POMT2: variants seen among roughly 807,000 people sequenced by gnomAD.
POMT2 encodes the protein protein O-mannosyltransferase 2.
Under a neutral mutation model 100.0 loss-of-function variants are expected in POMT2, and 75 were observed. That is an observed-to-expected ratio of 0.75 (90% CI 0.62 to 0.91). The LOEUF is 0.91. Among genes scored for constraint, POMT2 ranks in the 40% least tolerant of loss-of-function variants. The probability of loss-of-function intolerance (pLI) is 0.00; values close to 1 mark genes in which losing one functional copy is unlikely to be tolerated. For missense variants in POMT2, 940 were observed against 955.1 expected (o/e 0.98, Z 0.21); for synonymous variants, 378 against 374.1 (o/e 1.01, Z -0.12).
rs1889944281 is a variant in POMT2 at position 77,276,222 on chromosome 14, A to AGCT, written c.*1151_*1153dup. ...GGGGCAGCTCTGAGCTTCTTGTTTGAGCTGCAGAGTGGTAGACGCAGGAAG... is the reference window on the plus strand; with the variant it reads ...GGGGCAGCTCTGAGCTTCTTGTTTGAGCTGCTGCAGAGTGGTAGACGCAGGAAG... On this transcript the variant is annotated 3_prime_UTR_variant, in exon 21 of 21. Transcript: ENST00000261534. The AGCT allele has an allele frequency of 6.6e-6, 1 of 152,546 alleles. No homozygotes were observed. Among genetic ancestry groups the AGCT allele is most frequent in the Admixed American group, 6.5e-5 (1 of 15,272 alleles). 9.4% of individuals were successfully genotyped at this position (152,546 alleles called of 1,614,324 possible).
At chr14:77,280,310 A>ACCC in intron 16 of POMT2, 82 bp downstream of exon 16, 1 of 1,599,182 alleles carries the variant, frequency 6.3e-7, no homozygotes, top group Non-Finnish European at 8.5e-7. Flanking sequence ...CCGCCCTAGT[A>ACCC]CACCCACCCC....
Position 77,311,964 on chromosome 14 carries a change from G to A in POMT2, c.318C>T (p.His106=), listed in dbSNP as rs2139518201. The change falls in exon 2 of 21, where the codon CAC becomes CAT. Residue 106 remains histidine (H), a synonymous_variant. Transcript: ENST00000261534. ...CACTGCTCACCTTTCCCAGGGGCGG[G>A]TGCACATCAAAGAAAAATGTACGGT... ...YINRTFFFDV[H]PPLGKMLIGL... is the part of the protein sequence containing the mutation. The A allele has an allele frequency of 2.5e-6, 4 of 1,614,022 alleles. No individual in the cohort carries two copies. Among genetic ancestry groups the A allele is most frequent in the East Asian group, 2.2e-5 (1 of 44,870 alleles).
chr14:77,312,137 A>C, intron 1 of POMT2, 104 bp from the exon 2 acceptor site: 2 of 1,491,374 alleles, frequency 1.3e-6, no homozygotes, highest in East Asian at 4.9e-5. Flanking sequence ...ATTTCAAACA[A>C]TTAATGCAAA....
At chr14:77,278,544 C>T (rs1323140234) in intron 19 of POMT2, 36 bp from the exon 20 acceptor site, 4 of 1,444,152 alleles carry the variant, frequency 2.8e-6, no homozygotes, top group Non-Finnish European at 1.9e-6. Flanking sequence ...GTCAGCCAGG[C>T]AGGGGGTGAC....
intron 15 of POMT2, 95 bp downstream of exon 15, chr14:77,283,702 G>A: frequency 1.9e-6 from 2 of 1,077,790 alleles, no homozygotes; most frequent in Non-Finnish European, 2.9e-6. Context: ...TCCACAAGGG[G>A]GAATGGATCT....
chr14:77,295,239 C>T (rs1379284618), intron 9 of POMT2, among the ~76,000 whole-genome samples: 1 of 152,252 alleles, frequency 6.6e-6, no homozygotes, highest in Admixed American at 6.5e-5. Context: ...ATGATACTCA[C>T]ATGGCTAATC....
chr14:77,317,839 G>A (rs1891685637), intron 1 of POMT2, among the ~76,000 whole-genome samples: 1 of 152,190 alleles, frequency 6.6e-6, no homozygotes, highest in Non-Finnish European at 1.5e-5. Flanking sequence ...ATGTAATTCA[G>A]ACTTAATTCT....
intron 2 of POMT2, among the ~76,000 whole-genome samples, chr14:77,309,795 G>A (rs1891373966): frequency 6.6e-6 from 1 of 152,164 alleles, no homozygotes. Flanking sequence ...CTGTTCTCCT[G>A]TCTCAGCCTC....
intron 8 of POMT2, among the ~76,000 whole-genome samples, chr14:77,297,040 A>T (rs1420200390): frequency 6.6e-6 from 1 of 152,270 alleles, no homozygotes; most frequent in Non-Finnish European, 1.5e-5. Context: ...ACAATGTGTG[A>T]CATGGTGGGA....
chr14:77,292,492 A>G (rs140851976), intron 9 of POMT2, among the ~76,000 whole-genome samples: 2 of 152,334 alleles, frequency 1.3e-5, no homozygotes, highest in African/African-American at 4.8e-5. Flanking sequence ...CGTTGGGGAG[A>G]CAGAATTCAA....
chr14:77,308,455 G>A (rs1054298564), intron 2 of POMT2, among the ~76,000 whole-genome samples: 3 of 147,622 alleles, frequency 2.0e-5, no homozygotes, highest in East Asian at 2.1e-4. Flanking sequence ...TCCTGGGTTC[G>A]TGTGATTCTC....
intron 1 of POMT2, among the ~76,000 whole-genome samples, chr14:77,316,188 G>A (rs1891619093): frequency 6.6e-6 from 1 of 152,146 alleles, no homozygotes; most frequent in Admixed American, 6.5e-5. Context: ...GACCCATAAA[G>A]GCCTCAGGAC....
intron 9 of POMT2, among the ~76,000 whole-genome samples, chr14:77,294,552 GA>G (rs2140213500): frequency 6.6e-6 from 1 of 152,308 alleles, no homozygotes; most frequent in South Asian, 2.1e-4. Flanking sequence ...TCAAACTCCT[GA>G]CCTAAAGTGA....
At chr14:77,297,232 A>G (rs1890865550) in intron 8 of POMT2, among the ~76,000 whole-genome samples, 1 of 152,168 alleles carries the variant, frequency 6.6e-6, no homozygotes, top group East Asian at 1.9e-4. Flanking sequence ...ATGGCTGACC[A>G]CCTTTATTTC....
At chr14:77,316,084 C>T (rs1165110865) in intron 1 of POMT2, among the ~76,000 whole-genome samples, 1 of 152,156 alleles carries the variant, frequency 6.6e-6, no homozygotes, top group African/African-American at 2.4e-5. Context: ...AATCACAGTG[C>T]CACCTGCTGG....
chr14:77,311,546 G>A (rs1287746797), intron 2 of POMT2, among the ~76,000 whole-genome samples: 1 of 152,150 alleles, frequency 6.6e-6, no homozygotes, highest in African/African-American at 2.4e-5. Context: ...GTGTCTCTGC[G>A]GATTTGTCAG....
Position 77,296,238 on chromosome 14 carries a change from G to C in POMT2, c.1042C>G (p.Leu348Val), listed in dbSNP as rs1158227625. The C allele has an allele frequency of 2.5e-6, 4 of 1,608,138 alleles. No individual in the cohort carries two copies. Among genetic ancestry groups the C allele is most frequent in the Admixed American group, 1.7e-5 (1 of 59,316 alleles). ...TGCAGATAGCCGATGGCCATCCGGA[G>C]GTTCTTCACAGTGATCACAGAGCCG... ...AYGSVITVKN[L>V]RMAIGYLHSH... The change falls in exon 9 of 21, where the codon CTC becomes GTC. Residue 348 changes from leucine (L) to valine (V), a missense_variant. Transcript: ENST00000261534.
At chr14:77,314,332 T>C (rs1467505529) in intron 1 of POMT2, among the ~76,000 whole-genome samples, 3 of 152,238 alleles carry the variant, frequency 2.0e-5, no homozygotes, top group Non-Finnish European at 4.4e-5. Context: ...CACGTGGGAC[T>C]TAGGGGCAAA....
chr14:77,314,053 T>C (rs1891538777), intron 1 of POMT2, among the ~76,000 whole-genome samples: 1 of 152,146 alleles, frequency 6.6e-6, no homozygotes, highest in South Asian at 2.1e-4. Context: ...GTAAAACCAG[T>C]TGTAACATTC....
Sources: gnomAD v4.1 joint callset for allele counts (sites outside exome capture counted in the v4.1 genomes callset) on GRCh38, gnomAD v4.1.1 for gene constraint, MANE v1.5 for transcripts, NCBI Gene and HGNC (gene_info 2026-07-23, HGNC 2026-07-21) for gene names.